Variants in PTPRM observed in about 807,000 individuals in gnomAD.
PTPRM encodes the protein receptor-type tyrosine-protein phosphatase mu.
In PTPRM, 47 loss-of-function variants were observed where a neutral mutation model predicts 186.7. The ratio of observed to expected loss-of-function variants is 0.25; its 90% CI spans 0.20 to 0.32. The LOEUF is 0.32. Among genes scored for constraint, PTPRM ranks in the 10% least tolerant of loss-of-function variants. The pLI is 1.00. For missense variants in PTPRM, 1,494 were observed against 1,865.0 expected, an observed-to-expected ratio of 0.80 and a Z score of 3.66; for synonymous variants, 668 against 674.9, an observed-to-expected ratio of 0.99 and a Z score of 0.16.
intron 19 of PTPRM, among the ~76,000 whole-genome samples, chr18:8,286,628 G>C (rs1017199302): frequency 1.3e-5 from 2 of 152,152 alleles, no homozygotes; most frequent in African/African-American, 4.8e-5. Context: ...TAAATAAAAG[G>C]AGAGCCTCTA....
At chr18:8,126,027 A>ATATATATATATTTTTTTT (rs57751538) in intron 13 of PTPRM, among the ~76,000 whole-genome samples, 1 of 69,538 alleles carries the variant, frequency 1.4e-5, no homozygotes, top group African/African-American at 4.7e-5. Flanking sequence ...ATATATATAT[A>ATATATATATATTTTTTTT]TTTTAAATCA....
chr18:7,647,441 G>A (rs1430592508), intron 1 of PTPRM, among the ~76,000 whole-genome samples: 1 of 152,150 alleles, frequency 6.6e-6, no homozygotes, highest in Non-Finnish European at 1.5e-5. Flanking sequence ...TGTGACCCAG[G>A]CAGCCATCCA....
intron 14 of PTPRM, among the ~76,000 whole-genome samples, chr18:8,161,929 C>T (rs959393679): frequency 1.3e-5 from 2 of 152,082 alleles, no homozygotes; most frequent in Non-Finnish European, 2.9e-5. Flanking sequence ...GTGTGCCTCC[C>T]ATTTCTAATT....
chr18:7,580,831 T>C (rs1366007948), intron 1 of PTPRM, among the ~76,000 whole-genome samples: 1 of 152,218 alleles, frequency 6.6e-6, no homozygotes, highest in Non-Finnish European at 1.5e-5. Flanking sequence ...TATGCTTTAC[T>C]TTGATGCCAT....
chr18:7,878,052 T>C (rs1380079235), intron 2 of PTPRM, among the ~76,000 whole-genome samples: 3 of 152,220 alleles, frequency 2.0e-5, no homozygotes, highest in African/African-American at 4.8e-5. Flanking sequence ...TTGAAATGTT[T>C]ATGTAATTAA....
At chr18:8,302,330 C>G (rs1008252565) in intron 20 of PTPRM, among the ~76,000 whole-genome samples, 3 of 151,940 alleles carry the variant, frequency 2.0e-5, no homozygotes, top group African/African-American at 7.3e-5. Context: ...CCGGGGAGCC[C>G]CTTGGGTCTG....
chr18:7,902,873 A>G (rs140442944), intron 3 of PTPRM, among the ~76,000 whole-genome samples: 2,455 of 146,774 alleles, frequency 0.017, 27 homozygotes, highest in South Asian at 0.032. Flanking sequence ...TGCTTTGGTA[A>G]GGGTATGACC....
chr18:8,051,041 A>G (rs1647320914), intron 7 of PTPRM, among the ~76,000 whole-genome samples: 1 of 152,184 alleles, frequency 6.6e-6, no homozygotes, highest in Non-Finnish European at 1.5e-5. Flanking sequence ...ACTGGTAGGA[A>G]GCCTATTACT....
At chr18:7,903,032 T>C (rs1322929716) in intron 3 of PTPRM, among the ~76,000 whole-genome samples, 1 of 152,236 alleles carries the variant, frequency 6.6e-6, no homozygotes, top group African/African-American at 2.4e-5. Context: ...CCATTTTTAG[T>C]AGAAGCTTCA....
At chr18:7,802,783 A>G (rs2044039054) in intron 2 of PTPRM, among the ~76,000 whole-genome samples, 1 of 152,212 alleles carries the variant, frequency 6.6e-6, no homozygotes, top group African/African-American at 2.4e-5. Context: ...TGATTCAGTC[A>G]TTGATAACAT....
At chr18:8,231,940 A>C (rs1475863076) in intron 14 of PTPRM, among the ~76,000 whole-genome samples, 1 of 152,178 alleles carries the variant, frequency 6.6e-6, no homozygotes, top group Non-Finnish European at 1.5e-5. Context: ...CAAAGGCTGT[A>C]GTTCACATCA....
At chr18:8,199,150 T>G (rs2093819158) in intron 14 of PTPRM, among the ~76,000 whole-genome samples, 1 of 152,200 alleles carries the variant, frequency 6.6e-6, no homozygotes, top group South Asian at 2.1e-4. Flanking sequence ...CTAACATTAC[T>G]GTAAGTGTCA....
chr18:8,372,221 G>A (rs561225241), intron 24 of PTPRM, among the ~76,000 whole-genome samples: 6 of 147,422 alleles, frequency 4.1e-5, no homozygotes, highest in Admixed American at 1.4e-4. Flanking sequence ...ACAGGCGCCC[G>A]CCACCGCGCC....
At chr18:7,772,381 TTCTTTCTTTC>T (rs1379103590) in intron 1 of PTPRM, among the ~76,000 whole-genome samples, 1 of 144,026 alleles carries the variant, frequency 6.9e-6, no homozygotes, top group Non-Finnish European at 1.5e-5. Context: ...CTTTCTTTCT[TTCTTTCTTTC>T]TTTCTTTCTT....
intron 22 of PTPRM, among the ~76,000 whole-genome samples, chr18:8,337,310 G>A (rs1034979078): frequency 6.6e-6 from 1 of 152,146 alleles, no homozygotes. Flanking sequence ...AATTACATCA[G>A]TTGAGGTTTA....
chr18:8,099,169 C>CT (rs1491019712), intron 11 of PTPRM, among the ~76,000 whole-genome samples: 1 of 151,736 alleles, frequency 6.6e-6, no homozygotes, highest in African/African-American at 2.4e-5. Context: ...TTCTCTCTCT[C>CT]TTTCTCTCAC....
At position 8,320,158 on chromosome 18, in the gene PTPRM, A is replaced by C. The variant is rs1229323111; in HGVS notation, c.2956+944A>C. ...CAGCAATAGGCTACATCCCAGGAAC[A>C]GTAGCAGGGAAGTGAAAAGGATGTG... On this transcript the variant is annotated intron_variant, in intron 22 of 32. Coordinates refer to ENST00000580170, the MANE Select transcript of PTPRM (RefSeq NM_001105244.2). Among the ~76,000 whole-genome samples, 3 of 152,188 alleles carry C rather than the reference A, an allele frequency of 2.0e-5. No individual in the cohort carries two copies. The East Asian group carries it at 5.8e-4, about 29-fold the overall frequency.
At chr18:8,184,303 TTGA>T (rs2093615254) in intron 14 of PTPRM, among the ~76,000 whole-genome samples, 1 of 149,148 alleles carries the variant, frequency 6.7e-6, no homozygotes, top group African/African-American at 2.4e-5. Context: ...ACTGATTGGT[TTGA>T]TGTGTTTTAT....
At chr18:7,891,840 A>G (rs1599328027) in intron 3 of PTPRM, among the ~76,000 whole-genome samples, 1 of 152,098 alleles carries the variant, frequency 6.6e-6, no homozygotes. Context: ...GTGCCACTGC[A>G]CTCCAGCCTG....
Sources: allele counts gnomAD v4.1 joint callset (sites outside exome capture counted in the v4.1 genomes callset), GRCh38; gene constraint gnomAD v4.1.1; transcripts MANE v1.5; gene names NCBI Gene and HGNC (gene_info 2026-07-23, HGNC 2026-07-21).